FSTL5: variants seen among roughly 807,000 people sequenced by gnomAD.
FSTL5 encodes follistatin like 5.
FSTL5 carries 62 observed loss-of-function variants against 89.1 expected under a neutral mutation model. The observed-to-expected ratio is 0.70, with a 90% confidence interval of 0.57 to 0.86. The LOEUF is 0.86. Among genes scored for constraint, FSTL5 ranks in the 40% least tolerant of loss-of-function variants. The pLI, the probability that FSTL5 is intolerant of heterozygous loss-of-function variation, is 0.00. For synonymous variants in FSTL5, 383 were observed against 346.2 expected (o/e 1.11, Z -1.18); for missense variants, 1,057 against 1,001.6 (o/e 1.06, Z -0.75).
chr4:161,619,616 C>A (rs189619110), intron 7 of FSTL5, among the ~76,000 whole-genome samples: 66 of 152,226 alleles, frequency 4.3e-4, no homozygotes, highest in Non-Finnish European at 7.4e-4. Context: ...TATCAGAGAA[C>A]TGCAAATCAA....
intron 4 of FSTL5, among the ~76,000 whole-genome samples, chr4:161,856,662 G>GTATATA (rs10647528): frequency 1.6e-4 from 24 of 147,868 alleles, no homozygotes; most frequent in Admixed American, 9.5e-4. Flanking sequence ...GTGTGTGTGT[G>GTATATA]TATATATATA....
chr4:161,754,045 TAAAAA>T (rs10649973), intron 6 of FSTL5, among the ~76,000 whole-genome samples: 3 of 85,062 alleles, frequency 3.5e-5, no homozygotes, highest in Non-Finnish European at 6.2e-5. Flanking sequence ...CCGTCTCAAT[TAAAAA>T]AAAAAAAAAA....
intron 13 of FSTL5, among the ~76,000 whole-genome samples, chr4:161,471,359 T>A (rs80080797): frequency 0.051 from 7,782 of 152,314 alleles, 206 homozygotes; most frequent in Admixed American, 0.054. Flanking sequence ...ATTACAATGA[T>A]CTGTTTTTAT....
chr4:161,577,247 A>G (rs993870787), intron 8 of FSTL5, among the ~76,000 whole-genome samples: 4 of 152,042 alleles, frequency 2.6e-5, no homozygotes, highest in African/African-American at 9.7e-5. Context: ...AACTTTCAGA[A>G]CTTTTTACAA....
chr4:161,418,911 A>G (rs1476110831), intron 15 of FSTL5, among the ~76,000 whole-genome samples: 1 of 152,190 alleles, frequency 6.6e-6, no homozygotes, highest in East Asian at 1.9e-4. Context: ...GCAAAGATGT[A>G]TTTCATTCTT....
chr4:162,138,926 T>C (rs898060550), intron 1 of FSTL5, among the ~76,000 whole-genome samples: 4 of 152,062 alleles, frequency 2.6e-5, no homozygotes, highest in African/African-American at 9.7e-5. Context: ...AATTAAATAT[T>C]TTATTGAAAA....
intron 4 of FSTL5, among the ~76,000 whole-genome samples, chr4:161,882,347 A>G (rs1348423210): frequency 6.6e-6 from 1 of 152,108 alleles, no homozygotes; most frequent in Non-Finnish European, 1.5e-5. Flanking sequence ...CTACTACTTG[A>G]AAACCACAAA....
At chr4:161,656,256 C>T (rs1226568867) in intron 7 of FSTL5, 72 bp downstream of exon 7, 38 of 757,180 alleles carry the variant, frequency 5.0e-5, no homozygotes, top group Non-Finnish European at 6.5e-5. Flanking sequence ...TTAAGCTCCC[C>T]TGACATCACA....
chr4:161,912,826 T>C (rs1257684925), intron 4 of FSTL5, among the ~76,000 whole-genome samples: 3 of 152,130 alleles, frequency 2.0e-5, no homozygotes, highest in Non-Finnish European at 2.9e-5. Flanking sequence ...TTGAATGGCT[T>C]GGACAAAAAT....
intron 6 of FSTL5, among the ~76,000 whole-genome samples, chr4:161,691,764 T>C (rs1278933628): frequency 6.6e-6 from 1 of 152,158 alleles, no homozygotes; most frequent in East Asian, 1.9e-4. Context: ...CTAGATATTT[T>C]ATTCTTTTAG....
At chr4:161,642,844 A>G (rs572127434) in intron 7 of FSTL5, among the ~76,000 whole-genome samples, 1 of 152,266 alleles carries the variant, frequency 6.6e-6, no homozygotes, top group South Asian at 2.1e-4. Flanking sequence ...CTTCAGTTTT[A>G]CAAGATGGAA....
chr4:161,448,893 T>C lies in FSTL5; in HGVS notation c.1841+6111A>G, dbSNP rs147427114. The stretch of plus-strand genomic sequence containing the variant: ...AAGAGTAACACTGAGGTCCACTTCA[T>C]TGAATTCCTGATTTACCCTAGGGTA... On this transcript the variant is annotated intron_variant, in intron 15 of 15. Coordinates refer to ENST00000306100, the MANE Select transcript of FSTL5 (RefSeq NM_020116.5). 1.9e-3 allele frequency among the ~76,000 whole-genome samples: 296 copies of C among 152,298 alleles called. 1 individual carries two copies. In the Middle Eastern group the frequency reaches 0.024, roughly 12 times the overall value.
intron 9 of FSTL5, among the ~76,000 whole-genome samples, chr4:161,542,326 T>C (rs925478732): frequency 6.6e-6 from 1 of 152,084 alleles, no homozygotes; most frequent in Non-Finnish European, 1.5e-5. Context: ...TAATTAATCA[T>C]TATGACAAGA....
intron 7 of FSTL5, among the ~76,000 whole-genome samples, chr4:161,640,835 A>G (rs1025076615): frequency 6.6e-6 from 1 of 152,216 alleles, no homozygotes; most frequent in Non-Finnish European, 1.5e-5. Flanking sequence ...GATGAACTCA[A>G]AGAGACACAT....
intron 15 of FSTL5, among the ~76,000 whole-genome samples, chr4:161,392,263 T>G (rs1306635181): frequency 6.6e-6 from 1 of 151,846 alleles, no homozygotes; most frequent in Non-Finnish European, 1.5e-5. Context: ...GGTTTCACTC[T>G]GTTGCCCAAG....
At chr4:161,723,296 G>C (rs1739279340) in intron 6 of FSTL5, among the ~76,000 whole-genome samples, 3 of 152,108 alleles carry the variant, frequency 2.0e-5, no homozygotes, top group African/African-American at 4.8e-5. Context: ...TTTGTTGTCA[G>C]AGTATGGAGG....
At chr4:161,843,072 C>T (rs1731261401) in intron 4 of FSTL5, among the ~76,000 whole-genome samples, 1 of 152,110 alleles carries the variant, frequency 6.6e-6, no homozygotes, top group South Asian at 2.1e-4. Flanking sequence ...TGAGCAGTAT[C>T]ATTTTTCCAG....
intron 11 of FSTL5, among the ~76,000 whole-genome samples, chr4:161,508,448 A>G (rs760261811): frequency 6.6e-6 from 1 of 152,176 alleles, no homozygotes; most frequent in African/African-American, 2.4e-5. Context: ...AATGTATCAT[A>G]TATCTATTTT....
intron 4 of FSTL5, among the ~76,000 whole-genome samples, chr4:161,883,298 A>G (rs1732693774): frequency 6.6e-6 from 1 of 152,200 alleles, no homozygotes; most frequent in Non-Finnish European, 1.5e-5. Context: ...ATTCGGCTGA[A>G]CAAGCTCTAT....
Sources: gnomAD v4.1 joint callset for allele counts (sites outside exome capture counted in the v4.1 genomes callset) on GRCh38, gnomAD v4.1.1 for gene constraint, MANE v1.5 for transcripts, NCBI Gene and HGNC (gene_info 2026-07-23, HGNC 2026-07-21) for gene names.